LRBA: variants seen among roughly 807,000 people sequenced by gnomAD.
LRBA encodes lipopolysaccharide-responsive and beige-like anchor protein.
Under a neutral mutation model 330.0 loss-of-function variants are expected in LRBA, and 176 were observed. The observed-to-expected ratio is 0.53, with a 90% CI of 0.47 to 0.60. The LOEUF is 0.60. Among genes scored for constraint, LRBA ranks in the 20% least tolerant of loss-of-function variants. LRBA has a pLI of 0.00. For missense variants in LRBA, 3,259 were observed against 3,444.8 expected, an observed-to-expected ratio of 0.95 and a Z score of 1.35; for synonymous variants, 1,230 against 1,193.0, an observed-to-expected ratio of 1.03 and a Z score of -0.64.
chr4:150,638,428 T>G (rs1778149318), intron 37 of LRBA, among the ~76,000 whole-genome samples: 1 of 152,264 alleles, frequency 6.6e-6, no homozygotes, highest in Non-Finnish European at 1.5e-5. Flanking sequence ...ATTCTTTTTG[T>G]TGGCTTAAAG....
chr4:150,444,553 C>T (rs1212862709), intron 44 of LRBA, among the ~76,000 whole-genome samples: 1 of 152,052 alleles, frequency 6.6e-6, no homozygotes, highest in East Asian at 1.9e-4. Context: ...CTATATAAGG[C>T]CGAAATGGTT....
chr4:150,592,098 G>C (rs1772918833), intron 38 of LRBA, among the ~76,000 whole-genome samples: 4 of 141,896 alleles, frequency 2.8e-5, no homozygotes, highest in Admixed American at 2.1e-4. Flanking sequence ...TAAAGCACCT[G>C]ATCTACCCAG....
At chr4:150,444,104 A>G (rs1752270399) in intron 44 of LRBA, among the ~76,000 whole-genome samples, 1 of 151,954 alleles carries the variant, frequency 6.6e-6, no homozygotes, top group African/African-American at 2.4e-5. Flanking sequence ...GAATTTTTTT[A>G]AAAAGCGTAT....
At chr4:150,746,017 C>T (rs1272104564) in intron 35 of LRBA, among the ~76,000 whole-genome samples, 1 of 152,140 alleles carries the variant, frequency 6.6e-6, no homozygotes, top group Non-Finnish European at 1.5e-5. Context: ...AAGCTCCCAG[C>T]CCCCTTCCCT....
intron 40 of LRBA, among the ~76,000 whole-genome samples, chr4:150,509,163 C>T (rs1277642849): frequency 6.6e-6 from 1 of 151,782 alleles, no homozygotes; most frequent in Non-Finnish European, 1.5e-5. Flanking sequence ...TTTATCATTC[C>T]ACAAAATATA....
chr4:150,573,228 A>C (rs760669709), intron 40 of LRBA, among the ~76,000 whole-genome samples: 9 of 152,204 alleles, frequency 5.9e-5, no homozygotes, highest in Non-Finnish European at 1.2e-4. Context: ...TTTCACGCCA[A>C]CAAGGGTGTT....
chr4:150,677,965 C>T (rs577056367), intron 37 of LRBA, among the ~76,000 whole-genome samples: 2 of 152,176 alleles, frequency 1.3e-5, no homozygotes, highest in South Asian at 2.1e-4. Flanking sequence ...ATAGGCCAGG[C>T]ATGGCGGCTC....
chr4:150,296,641 A>C (rs1480341159), intron 53 of LRBA, among the ~76,000 whole-genome samples: 1 of 152,060 alleles, frequency 6.6e-6, no homozygotes, highest in Non-Finnish European at 1.5e-5. Flanking sequence ...GTAACTAGAA[A>C]AAATAGGGTT....
intron 17 of LRBA, among the ~76,000 whole-genome samples, chr4:150,887,494 C>T (rs1447264912): frequency 1.3e-5 from 2 of 151,990 alleles, no homozygotes; most frequent in African/African-American, 4.8e-5. Context: ...GGCTCACGGG[C>T]CGGGTGTGGT....
At chr4:150,614,062 A>T (rs1775532168) in intron 37 of LRBA, among the ~76,000 whole-genome samples, 1 of 152,248 alleles carries the variant, frequency 6.6e-6, no homozygotes, top group South Asian at 2.1e-4. Flanking sequence ...CTAACCCTTG[A>T]AAAGCATGCC....
At chr4:150,551,819 A>C (rs1037772168) in intron 40 of LRBA, among the ~76,000 whole-genome samples, 60 of 152,312 alleles carry the variant, frequency 3.9e-4, no homozygotes, top group African/African-American at 1.3e-3. Context: ...ATGTATGTGT[A>C]TATATATTTT....
intron 53 of LRBA, among the ~76,000 whole-genome samples, chr4:150,291,231 TTAAAC>T (rs1728252044): frequency 6.8e-6 from 1 of 146,206 alleles, no homozygotes; most frequent in African/African-American, 2.5e-5. Flanking sequence ...TGGGATCTAA[TTAAAC>T]TAAAGAGCTT....
intron 36 of LRBA, among the ~76,000 whole-genome samples, chr4:150,709,477 T>C (rs1052428643): frequency 5.3e-5 from 8 of 152,014 alleles, no homozygotes; most frequent in African/African-American, 1.9e-4. Flanking sequence ...AATAATAGGC[T>C]GAAAATAATT....
At chr4:150,453,365 A>G (rs1454201333) in intron 44 of LRBA, among the ~76,000 whole-genome samples, 1 of 152,172 alleles carries the variant, frequency 6.6e-6, no homozygotes, top group African/African-American at 2.4e-5. Flanking sequence ...ATAGACCTAC[A>G]CATATATGGC....
chr4:150,663,540 CCA>C (rs1265531626), intron 37 of LRBA, among the ~76,000 whole-genome samples: 1 of 150,988 alleles, frequency 6.6e-6, no homozygotes, highest in East Asian at 1.9e-4. Flanking sequence ...TCTACTCACC[CCA>C]CTTATGCTGA....
At chr4:150,655,879 T>A (rs1780137005) in intron 37 of LRBA, among the ~76,000 whole-genome samples, 1 of 152,222 alleles carries the variant, frequency 6.6e-6, no homozygotes, top group African/African-American at 2.4e-5. Flanking sequence ...ATAGCTACTT[T>A]CCAAAGGTTC....
At chr4:150,285,646 G>A (rs1264962602) in intron 54 of LRBA, among the ~76,000 whole-genome samples, 1 of 152,200 alleles carries the variant, frequency 6.6e-6, no homozygotes. Context: ...GAGCAGTGCT[G>A]TGAAACAGAA....
intron 12 of LRBA, 87 bp from the exon 13 acceptor site, chr4:150,906,077 C>A: frequency 8.6e-7 from 1 of 1,167,082 alleles, no homozygotes; most frequent in Admixed American, 2.1e-5. Flanking sequence ...AAAAACTGGC[C>A]CACAAATTAT....
intron 35 of LRBA, among the ~76,000 whole-genome samples, chr4:150,743,462 A>G (rs1732281533): frequency 6.6e-6 from 1 of 152,246 alleles, no homozygotes; most frequent in Non-Finnish European, 1.5e-5. Flanking sequence ...ATACATTAAG[A>G]GGAAAAATAA....
Sources: allele counts gnomAD v4.1 joint callset (sites outside exome capture counted in the v4.1 genomes callset), GRCh38; gene constraint gnomAD v4.1.1; transcripts MANE v1.5; gene names NCBI Gene and HGNC (gene_info 2026-07-23, HGNC 2026-07-21).